The following GOSR2 variants were observed in gnomAD, a reference collection of about 807,000 sequenced individuals.
The protein encoded by GOSR2 is 27 kDa Golgi SNARE protein.
Under a neutral mutation model 27.9 loss-of-function variants are expected in GOSR2, and 20 were observed. That is an observed-to-expected ratio of 0.72 (90% confidence interval 0.50 to 1.04). The LOEUF (loss-of-function observed/expected upper bound fraction) is 1.04. Ranked by LOEUF, GOSR2 falls within the 50% of genes least tolerant of loss-of-function variation. The probability of loss-of-function intolerance (pLI) is 0.00; values close to 1 mark genes in which losing one functional copy is unlikely to be tolerated. For missense variants in GOSR2, 261 were observed against 270.5 expected (o/e 0.97, Z 0.25); for synonymous variants, 91 against 98.8 (o/e 0.92, Z 0.47).
At chr17:46,969,678 T>TA (rs2091371264), downstream of GOSR2, among the ~76,000 whole-genome samples, 1 of 152,198 alleles carries the variant, frequency 6.6e-6, no homozygotes, top group Non-Finnish European at 1.5e-5. Flanking sequence ...ATAAATGCCT[T>TA]AAACACGGAA....
chr17:46,958,307 A>C (rs1224463049), intron 6 of GOSR2, among the ~76,000 whole-genome samples: 1 of 152,260 alleles, frequency 6.6e-6, no homozygotes, highest in African/African-American at 2.4e-5. Context: ...ACACATTTGC[A>C]CAATAATTCA....
chr17:46,929,565 A>C lies in GOSR2; in HGVS notation c.75A>C (p.Ala25=). The change falls in exon 2 of 6, where the codon GCA becomes GCC. Residue 25 remains alanine (A), a synonymous_variant. Transcript: ENST00000640051. ...IQSCMGRLET[A]DKQSVHIVEN... ...CTTGCATGGGACGCCTGGAGACGGCAGACAAGCAGTCTGTGCACAGTGAGT... is the reference window on the plus strand; with the variant it reads ...CTTGCATGGGACGCCTGGAGACGGCCGACAAGCAGTCTGTGCACAGTGAGT... 6.5e-7 allele frequency: 1 copy of C among 1,545,012 alleles called. No individual in the cohort carries two copies. The highest frequency in any genetic ancestry group is 1.1e-5 in the South Asian group (1 of 89,722).
chr17:46,951,800 A>G (rs1009928293), intron 6 of GOSR2, among the ~76,000 whole-genome samples: 9 of 152,146 alleles, frequency 5.9e-5, no homozygotes, highest in African/African-American at 2.2e-4. Context: ...GTGGGAGAAC[A>G]CACAGGGCCC....
At chr17:46,937,669 A>C (rs781736315) in intron 5 of GOSR2, 1 of 152,214 alleles carries the variant, frequency 6.6e-6, no homozygotes, top group Non-Finnish European at 1.5e-5. Flanking sequence ...TGAACTTCAT[A>C]TAAAGGTATT....
intron 5 of GOSR2, chr17:46,936,955 G>GT (rs1404320633): frequency 4.2e-5 from 12 of 284,112 alleles, no homozygotes; most frequent in African/African-American, 4.8e-5. Context: ...GCTCATTAAT[G>GT]TGTATTTATT....
intron 5 of GOSR2, chr17:46,936,551 C>G (rs1407932376): frequency 2.0e-6 from 2 of 985,598 alleles, no homozygotes; most frequent in Non-Finnish European, 2.4e-6. Context: ...GATTTTCCAC[C>G]TACACCATTC....
chr17:46,964,310 C>CT (rs1274587905), intron 6 of GOSR2: 1 of 152,318 alleles, frequency 6.6e-6, no homozygotes, highest in Non-Finnish European at 1.5e-5. Context: ...CCAGGGCTCT[C>CT]TGACATCCAA....
chr17:46,969,963 A>G (rs531950868), downstream of GOSR2, among the ~76,000 whole-genome samples: 161 of 152,162 alleles, frequency 1.1e-3, no homozygotes, highest in African/African-American at 3.7e-3. Flanking sequence ...GGAACAAAAA[A>G]CACAGGCTGT....
rs934638193 is a variant in GOSR2, at chr17:46,938,447, G to A, written c.478-152G>A. The A allele has an allele frequency of 1.7e-5, 20 of 1,170,258 alleles. No homozygotes were observed. In the African/African-American group the frequency reaches 2.9e-4, roughly 17 times the overall value. 72.5% of individuals were successfully genotyped at this position (1,170,258 alleles called of 1,614,324 possible). A position where few individuals can be genotyped will look rare whatever the true frequency, so the allele number is the denominator to read the frequency against. On this transcript the variant is annotated intron_variant, in intron 5 of 5. Coordinates refer to ENST00000640051, the MANE Select transcript of GOSR2 (RefSeq NM_004287.5). ...TCAAAAATCAGTCGACGACATGAGA[G>A]TGGCTCTATTTCTGGCTGATATTGC...
intron 5 of GOSR2, chr17:46,935,633 G>A (rs760487444): frequency 5.0e-5 from 51 of 1,012,822 alleles, no homozygotes; most frequent in Non-Finnish European, 5.8e-5. Flanking sequence ...TGCAGTGTTA[G>A]GGCTGCCTGG....
chr17:46,945,784 A>G (rs773565825), downstream of GOSR2, among the ~76,000 whole-genome samples: 4 of 152,128 alleles, frequency 2.6e-5, no homozygotes, highest in African/African-American at 7.2e-5. Context: ...GGGGACCTCT[A>G]TAGGAGGGGA....
chr17:46,952,157 C>T (rs752901706), intron 6 of GOSR2, among the ~76,000 whole-genome samples: 8 of 152,168 alleles, frequency 5.3e-5, no homozygotes, highest in Non-Finnish European at 1.2e-4. Flanking sequence ...CCCAGCATCT[C>T]GTCTTTGGAC....
intron 6 of GOSR2, among the ~76,000 whole-genome samples, chr17:46,949,504 T>C (rs2090169418): frequency 6.6e-6 from 1 of 152,112 alleles, no homozygotes; most frequent in Non-Finnish European, 1.5e-5. Context: ...GGGAAGAATG[T>C]GGGTCACATT....
intron 6 of GOSR2, among the ~76,000 whole-genome samples, chr17:46,961,142 G>T (rs1193998174): frequency 6.6e-6 from 1 of 152,092 alleles, no homozygotes; most frequent in Non-Finnish European, 1.5e-5. Context: ...TAAAGGTAAA[G>T]ATATTGATTA....
downstream of GOSR2, among the ~76,000 whole-genome samples, chr17:46,944,911 C>A (rs1212267433): frequency 6.6e-6 from 1 of 152,134 alleles, no homozygotes; most frequent in Non-Finnish European, 1.5e-5. Flanking sequence ...TAATTTTTAA[C>A]TTTCTAAGGA....
chr17:46,923,388 G>C, intron 1 of GOSR2, 167 bp downstream of exon 1: 1 of 1,464,508 alleles, frequency 6.8e-7, no homozygotes, highest in African/African-American at 1.4e-5. Context: ...GGACTCCCAG[G>C]TCAGCCACAG....
At chr17:46,958,060 G>A (rs1181094522) in intron 6 of GOSR2, among the ~76,000 whole-genome samples, 1 of 152,152 alleles carries the variant, frequency 6.6e-6, no homozygotes, top group African/African-American at 2.4e-5. Flanking sequence ...GTCACTGGCC[G>A]GGGGTCACCT....
At chr17:46,974,253 G>T (rs867287234) in intron 6 of GOSR2, among the ~76,000 whole-genome samples, 1 of 152,228 alleles carries the variant, frequency 6.6e-6, no homozygotes, top group Admixed American at 6.5e-5. Context: ...AGGGCCAGAC[G>T]CTAGGTCTGC....
At chr17:46,930,980 C>G in intron 2 of GOSR2, 119 bp from the exon 3 acceptor site, 1 of 693,904 alleles carries the variant, frequency 1.4e-6, no homozygotes, top group Non-Finnish European at 2.6e-6. Context: ...ACATTTTTCT[C>G]CTTTTGAAAT....
Sources: allele counts gnomAD v4.1 joint callset (sites outside exome capture counted in the v4.1 genomes callset), GRCh38; gene constraint gnomAD v4.1.1; transcripts MANE v1.5; gene names NCBI Gene and HGNC (gene_info 2026-07-23, HGNC 2026-07-21).